Variants in MYO18B observed in about 807,000 individuals in gnomAD.
MYO18B encodes unconventional myosin-XVIIIb.
A neutral mutation model predicts 273.0 loss-of-function variants in MYO18B; 204 were observed. The observed-to-expected ratio is 0.75, with a 90% CI of 0.67 to 0.84. The LOEUF (loss-of-function observed/expected upper bound fraction) is 0.84, where lower values mean the gene tolerates loss of function less well. Among genes scored for constraint, MYO18B ranks in the 40% least tolerant of loss-of-function variants. The pLI is 0.00. For missense variants in MYO18B, 3,212 were observed against 3,287.6 expected (o/e 0.98, Z 0.56); for synonymous variants, 1,330 against 1,305.7 (o/e 1.02, Z -0.40).
At chr22:25,910,654 A>C (rs1016864572) in intron 32 of MYO18B, among the ~76,000 whole-genome samples, 4 of 152,206 alleles carry the variant, frequency 2.6e-5, no homozygotes, top group Non-Finnish European at 2.9e-5. Flanking sequence ...AGCAGTGGCC[A>C]TGGCTGCAGG....
At chr22:25,973,013 A>T (rs2093052160) in intron 39 of MYO18B, among the ~76,000 whole-genome samples, 1 of 151,314 alleles carries the variant, frequency 6.6e-6, no homozygotes, top group Non-Finnish European at 1.5e-5. Context: ...TCTCACCCAC[A>T]CAATCCACTA....
intron 42 of MYO18B, among the ~76,000 whole-genome samples, chr22:26,017,280 A>G (rs1010943754): frequency 6.7e-6 from 1 of 148,766 alleles, no homozygotes; most frequent in Non-Finnish European, 1.5e-5. Context: ...AATTTTCCAC[A>G]TTGACTTTAT....
intron 12 of MYO18B, among the ~76,000 whole-genome samples, chr22:25,807,594 G>A (rs188679348): frequency 7.9e-5 from 12 of 152,278 alleles, no homozygotes; most frequent in Non-Finnish European, 1.8e-4. Flanking sequence ...CTCTCCCTGT[G>A]GGCTAGTTGG....
chr22:25,789,093 T>TCCTCC (rs1220811981), intron 11 of MYO18B, among the ~76,000 whole-genome samples: 4 of 33,992 alleles, frequency 1.2e-4, no homozygotes, highest in Non-Finnish European at 2.5e-4. Context: ...TTCCTCCTCC[T>TCCTCC]TCTTCTTCCT....
rs1352757387 is a variant in MYO18B at position 26,026,797 on chromosome 22, T to C, written c.6823T>C (p.Trp2275Arg). The change falls in exon 43 of 44, where the codon TGG (tryptophan) becomes CGG (arginine). Residue 2275 changes from tryptophan to arginine, a missense_variant. Trp to Arg is a moderately radical substitution (Grantham distance 101). Coordinates refer to ENST00000335473, the MANE Select transcript of MYO18B (RefSeq NM_032608.7). Reference sequence around the variant, plus strand: ...GGGGTCCACGCTGGGCCTAGAGGACTGGCCCACTCTCCCCATTTACCAGAC... The same window carrying C: ...GGGGTCCACGCTGGGCCTAGAGGACCGGCCCACTCTCCCCATTTACCAGAC... ...GQGSTLGLED[W>R]PTLPIYQTTG... 2 of 1,599,206 alleles carry C rather than the reference T, an allele frequency of 1.3e-6. No homozygotes were observed. Among genetic ancestry groups the C allele is most frequent in the Non-Finnish European group, 1.7e-6 (2 of 1,173,320 alleles).
intron 34 of MYO18B, among the ~76,000 whole-genome samples, chr22:25,924,644 C>T (rs1569196752): frequency 6.6e-6 from 1 of 152,148 alleles, no homozygotes; most frequent in African/African-American, 2.4e-5. Context: ...CATACGGGGC[C>T]TGGAAGTTTG....
chr22:25,984,036 C>T (rs1014700978), intron 39 of MYO18B, among the ~76,000 whole-genome samples: 3 of 152,216 alleles, frequency 2.0e-5, no homozygotes, highest in South Asian at 2.1e-4. Flanking sequence ...CAGCAGCCCT[C>T]GTATTTCCCG....
chr22:25,753,490 C>A (rs1327244003), intron 1 of MYO18B, among the ~76,000 whole-genome samples: 1 of 152,166 alleles, frequency 6.6e-6, no homozygotes, highest in East Asian at 1.9e-4. Flanking sequence ...GGAATGAAAG[C>A]AGGCTGCCAG....
intron 12 of MYO18B, among the ~76,000 whole-genome samples, chr22:25,816,728 A>G (rs558909747): frequency 6.6e-6 from 1 of 152,346 alleles, no homozygotes; most frequent in Admixed American, 6.5e-5. Flanking sequence ...AAGTGTTGAC[A>G]TGACTTTGCC....
chr22:25,847,678 C>T, intron 20 of MYO18B, 26 bp downstream of exon 20: 3 of 1,514,638 alleles, frequency 2.0e-6, no homozygotes, highest in Non-Finnish European at 2.7e-6. Flanking sequence ...GACACAGCAC[C>T]TTGTCTCTGA....
At position 25,769,181 on chromosome 22, in the gene MYO18B, T is replaced by C. The variant is rs755096273; in HGVS notation, c.1265T>C (p.Val422Ala). 12 of 1,610,692 alleles carry C rather than the reference T, an allele frequency of 7.5e-6. No individual in the cohort carries two copies. ...TEKGCEAPKE[V>A]STMVESPAAP... is the part of the protein sequence containing the mutation. ...AAGGGCTGTGAAGCCCCAAAGGAGG[T>C]GAGCACAATGGTGGAGTCGCCAGCA... The change falls in exon 4 of 44, where the codon GTG becomes GCG. Residue 422 changes from valine (V) to alanine (A), a missense_variant. Coordinates refer to ENST00000335473, the MANE Select transcript of MYO18B (RefSeq NM_032608.7).
At chr22:25,997,180 G>T (rs547628501) in intron 40 of MYO18B, among the ~76,000 whole-genome samples, 7 of 151,600 alleles carry the variant, frequency 4.6e-5, no homozygotes. Context: ...AAAATTAGCC[G>T]GGCTTGGTGG....
intron 37 of MYO18B, among the ~76,000 whole-genome samples, chr22:25,951,799 T>C (rs2092795562): frequency 6.6e-6 from 1 of 152,180 alleles, no homozygotes; most frequent in Non-Finnish European, 1.5e-5. Flanking sequence ...GGCTGCTTAT[T>C]ATGTGCCAGT....
chr22:25,948,510 CTCT>C, intron 36 of MYO18B, among the ~76,000 whole-genome samples: 1 of 14,360 alleles, frequency 7.0e-5, no homozygotes, highest in Admixed American at 6.1e-4. Context: ...CCTCTCTTTT[CTCT>C]TTCCTTCTTT....
intron 34 of MYO18B, among the ~76,000 whole-genome samples, chr22:25,937,209 G>A (rs1446364599): frequency 1.3e-5 from 2 of 151,726 alleles, no homozygotes; most frequent in African/African-American, 2.4e-5. Flanking sequence ...TCAGCCTCCC[G>A]AATAGCTGGG....
At chr22:25,750,785 G>A (rs2085908996) in intron 1 of MYO18B, among the ~76,000 whole-genome samples, 1 of 152,232 alleles carries the variant, frequency 6.6e-6, no homozygotes, top group African/African-American at 2.4e-5. Context: ...GAATCCTGCA[G>A]GGTGACATTG....
intron 17 of MYO18B, 45 bp downstream of exon 17, chr22:25,835,488 G>C (rs903591962): frequency 5.0e-6 from 8 of 1,609,888 alleles, no homozygotes; most frequent in Non-Finnish European, 6.8e-6. Flanking sequence ...TCCAGCCTGG[G>C]TATTAGAATC....
intron 32 of MYO18B, 113 bp from the exon 33 acceptor site, chr22:25,910,833 G>T: frequency 1.2e-6 from 1 of 822,040 alleles, no homozygotes. Context: ...GCAGCCTCAT[G>T]GAACAAAGCC....
Position 26,027,220 on chromosome 22 carries a change from G to A in MYO18B, c.7246G>A (p.Glu2416Lys), listed in dbSNP as rs750848792. Residue 2416 changes from glutamate (E) to lysine (K), a missense_variant, in exon 43 of 44, where the codon GAG (glutamate) becomes AAG (lysine). Transcript: ENST00000335473. This position sits in a 1 kb window ranked among gnomAD's most constrained non-coding sequence, Gnocchi z 4.1. ...GAACCGCCAGTTTGCCCACCTGATGGAGGAACCTCTAGGCAGTGACCCATT... is the reference window on the plus strand; with the variant it reads ...GAACCGCCAGTTTGCCCACCTGATGAAGGAACCTCTAGGCAGTGACCCATT... ...FQNRQFAHLM[E>K]EPLGSDPFSW... The A allele has an allele frequency of 6.2e-7, 1 of 1,613,972 alleles. No homozygotes were observed.
Sources: allele counts gnomAD v4.1 joint callset (sites outside exome capture counted in the v4.1 genomes callset), GRCh38; gene constraint gnomAD v4.1.1; non-coding constraint Gnocchi (gnomAD v3.1); transcripts MANE v1.5; gene names NCBI Gene and HGNC (gene_info 2026-07-23, HGNC 2026-07-21).